Variants in GAB2 observed in about 807,000 individuals in gnomAD.
GAB2 encodes GRB2-associated-binding protein 2.
In GAB2, 26 loss-of-function variants were observed where a neutral mutation model predicts 65.5. That is an observed-to-expected ratio of 0.40 (90% confidence interval 0.29 to 0.55). GAB2 has a LOEUF of 0.55. GAB2 is among the 20% of genes least tolerant of loss of function. GAB2 has a pLI of 0.53. For missense variants in GAB2, 884 were observed against 875.8 expected (o/e 1.01, Z -0.12); for synonymous variants, 321 against 329.6 (o/e 0.97, Z 0.28).
intron 1 of GAB2, among the ~76,000 whole-genome samples, chr11:78,305,601 A>G (rs979115073): frequency 3.3e-5 from 5 of 152,276 alleles, no homozygotes; most frequent in Admixed American, 2.6e-4. Flanking sequence ...TCTGGATATA[A>G]AGCACCAGGA....
At chr11:78,271,860 T>C (rs1453146517) in intron 2 of GAB2, among the ~76,000 whole-genome samples, 1 of 152,220 alleles carries the variant, frequency 6.6e-6, no homozygotes, top group Non-Finnish European at 1.5e-5. Flanking sequence ...CCACGTGTTG[T>C]GGGAGGGATC....
At chr11:78,305,732 A>G (rs1460844596) in intron 1 of GAB2, among the ~76,000 whole-genome samples, 1 of 152,188 alleles carries the variant, frequency 6.6e-6, no homozygotes, top group Non-Finnish European at 1.5e-5. Context: ...GTTTTTAGAT[A>G]ATTTTTCATC....
intron 1 of GAB2, among the ~76,000 whole-genome samples, chr11:78,347,243 T>C (rs73500945): frequency 0.086 from 13,027 of 152,176 alleles, 1,725 homozygotes; most frequent in African/African-American, 0.29. Context: ...GGTTCTAGTT[T>C]CCAACATGCT....
intron 1 of GAB2, among the ~76,000 whole-genome samples, chr11:78,283,855 A>G (rs1866399945): frequency 6.6e-6 from 1 of 151,516 alleles, no homozygotes; most frequent in African/African-American, 2.4e-5. Context: ...TCCGAACATT[A>G]GAATGCCCCA....
At position 78,416,981 on chromosome 11, in the gene GAB2, G is replaced by A. The variant is rs1399671480; in HGVS notation, c.75+665C>T. 3.3e-5 allele frequency among the ~76,000 whole-genome samples: 5 copies of A among 152,044 alleles called. No individual in the cohort carries two copies. The South Asian group carries it at 1.0e-3, about 31-fold the overall frequency. On this transcript the variant is annotated intron_variant, in intron 1 of 9. Transcript: ENST00000361507. ...CGGGAGCTGCCCGGTCCCAAACCCG[G>A]GCCAGCCACGGGGACCAAACTGCAG... is the stretch of plus-strand genomic sequence containing the variant.
At chr11:78,229,030 T>G (rs996633111) in intron 3 of GAB2, among the ~76,000 whole-genome samples, 2 of 152,046 alleles carry the variant, frequency 1.3e-5, no homozygotes, top group African/African-American at 2.4e-5. Flanking sequence ...ACCTGCCCAG[T>G]GAGGGGTGGT....
rs1374583455 is a variant in GAB2, at chr11:78,222,186, G to A, written c.1577C>T (p.Thr526Ile). The A allele has an allele frequency of 1.9e-6, 3 of 1,612,948 alleles. No homozygotes were observed. Among genetic ancestry groups the A allele is most frequent in the South Asian group, 1.1e-5 (1 of 91,056 alleles). ...NLKPDRKAKP[T>I]PLDLRNNTVI... ...GGTGTTGTTCCTCAGGTCAAGTGGTGTTGGCTTTGCTGGAGCAGGAAAAGA... is the reference window on the plus strand; with the variant it reads ...GGTGTTGTTCCTCAGGTCAAGTGGTATTGGCTTTGCTGGAGCAGGAAAAGA... Residue 526 changes from threonine (T) to isoleucine (I), a missense_variant, in exon 7 of 10, where the codon ACA becomes ATA. Coordinates refer to ENST00000361507, the MANE Select transcript of GAB2 (RefSeq NM_080491.3).
At chr11:78,397,669 G>A (rs1024523994) in intron 1 of GAB2, among the ~76,000 whole-genome samples, 3 of 151,954 alleles carry the variant, frequency 2.0e-5, no homozygotes, top group Admixed American at 1.3e-4. Context: ...AATCTCTTCC[G>A]GACTCCTATG....
intron 1 of GAB2, among the ~76,000 whole-genome samples, chr11:78,354,294 T>C (rs1247204953): frequency 6.6e-6 from 1 of 152,202 alleles, no homozygotes. Flanking sequence ...TCAAGTCTTA[T>C]TGCTTACTTC....
intron 1 of GAB2, among the ~76,000 whole-genome samples, chr11:78,343,079 C>G (rs1419627148): frequency 6.6e-6 from 1 of 151,968 alleles, no homozygotes. Context: ...ATTGAATAAC[C>G]CACTAAGAAT....
At chr11:78,308,695 T>C (rs995062718) in intron 1 of GAB2, among the ~76,000 whole-genome samples, 7 of 152,128 alleles carry the variant, frequency 4.6e-5, no homozygotes, top group African/African-American at 1.4e-4. Context: ...CACATACTTA[T>C]GGTAAAACTG....
At chr11:78,299,767 A>T (rs1344021326) in intron 1 of GAB2, among the ~76,000 whole-genome samples, 2 of 152,238 alleles carry the variant, frequency 1.3e-5, no homozygotes, top group Non-Finnish European at 2.9e-5. Flanking sequence ...CCCAATTTAC[A>T]TCAGTCCAGC....
At chr11:78,375,251 A>T (rs1453824405) in intron 1 of GAB2, among the ~76,000 whole-genome samples, 1 of 152,234 alleles carries the variant, frequency 6.6e-6, no homozygotes, top group Non-Finnish European at 1.5e-5. Context: ...ACTACAAAAT[A>T]GTCTCAGTCT....
At chr11:78,404,860 T>C (rs965129560) in intron 1 of GAB2, among the ~76,000 whole-genome samples, 23 of 152,220 alleles carry the variant, frequency 1.5e-4, no homozygotes, top group African/African-American at 5.5e-4. Context: ...GCAAGTATAG[T>C]TAACAATAAT....
chr11:78,269,641 G>C (rs909897896), intron 2 of GAB2, among the ~76,000 whole-genome samples: 6 of 152,188 alleles, frequency 3.9e-5, no homozygotes, highest in African/African-American at 1.4e-4. Context: ...GGTATCGTTT[G>C]ACCCCAGGTG....
At chr11:78,388,845 C>A (rs186848304) in intron 1 of GAB2, among the ~76,000 whole-genome samples, 4 of 152,078 alleles carry the variant, frequency 2.6e-5, no homozygotes, top group Admixed American at 6.5e-5. Flanking sequence ...AGAACTAGAG[C>A]GAGAAAGAAA....
chr11:78,412,863 C>T (rs556989393), intron 1 of GAB2, among the ~76,000 whole-genome samples: 1 of 152,272 alleles, frequency 6.6e-6, no homozygotes, highest in East Asian at 1.9e-4. Flanking sequence ...AAAGTAAGTG[C>T]TCAACAGATG....
rs575766792 is a variant in GAB2 at position 78,288,759 on chromosome 11, G to A, written c.76-7858C>T. 1.3e-3 allele frequency among the ~76,000 whole-genome samples: 205 copies of A among 152,272 alleles called. 1 individual carries two copies. The highest frequency in any genetic ancestry group is 4.0e-3 in the African/African-American group (167 of 41,554). On this transcript the variant is annotated intron_variant, in intron 1 of 9. Transcript: ENST00000361507. ...ACTTGGTGCATCTCCCCAAACTGAC[G>A]TACAGATTTAACACAATTCCCATCA... is the stretch of plus-strand genomic sequence containing the variant.
chr11:78,331,315 G>A (rs1211698498), intron 1 of GAB2, among the ~76,000 whole-genome samples: 7 of 147,350 alleles, frequency 4.8e-5, no homozygotes, highest in Non-Finnish European at 8.9e-5. Flanking sequence ...GCACAATCTC[G>A]GCTCACTGCA....
Sources: gnomAD v4.1 joint callset for allele counts (sites outside exome capture counted in the v4.1 genomes callset) on GRCh38, gnomAD v4.1.1 for gene constraint, MANE v1.5 for transcripts, NCBI Gene and HGNC (gene_info 2026-07-23, HGNC 2026-07-21) for gene names.